Variants in SEMA6D observed in about 807,000 individuals in gnomAD.
SEMA6D encodes the protein semaphorin 6D.
A neutral mutation model predicts 106.6 loss-of-function variants in SEMA6D; 35 were observed. That is an observed-to-expected ratio of 0.33 (90% confidence interval 0.25 to 0.44). The LOEUF is 0.44. Among genes scored for constraint, SEMA6D ranks in the 20% least tolerant of loss-of-function variants. SEMA6D has a pLI of 1.00. For synonymous variants in SEMA6D, 499 were observed against 487.7 expected, an observed-to-expected ratio of 1.02 and a Z score of -0.31; for missense variants, 1,185 against 1,345.9, an observed-to-expected ratio of 0.88 and a Z score of 1.87.
In SEMA6D at chr15:47,652,717, A is replaced by G. The variant is rs148209258; in HGVS notation, c.-55+51821A>G. The stretch of plus-strand genomic sequence containing the variant: ...TTGTGCCCAGCCTGTCTCTAAAGAA[A>G]GCAAGGTCCAAAGGAAGGTTCAAGG... On this transcript the variant is annotated intron_variant, in intron 4 of 19. Coordinates refer to the SEMA6D transcript ENST00000558014. 2.3e-3 allele frequency among the ~76,000 whole-genome samples: 355 copies of G among 152,342 alleles called. 13 individuals carry two copies. The South Asian group carries it at 0.05, about 21-fold the overall frequency.
chr15:47,766,854 T>A (rs1333123601), intron 16 of SEMA6D, among the ~76,000 whole-genome samples, 177 bp downstream of exon 16: 6 of 151,554 alleles, frequency 4.0e-5, no homozygotes, highest in African/African-American at 9.7e-5. Context: ...AGAGGCTTAC[T>A]TTTTTTTTCC....
intron 4 of SEMA6D, among the ~76,000 whole-genome samples, chr15:47,635,547 A>G (rs1352812576): frequency 6.6e-6 from 1 of 152,220 alleles, no homozygotes; most frequent in Non-Finnish European, 1.5e-5. Flanking sequence ...AATATTTACA[A>G]TACATGGTCA....
At chr15:47,693,236 GACC>G (rs913157999) in intron 4 of SEMA6D, among the ~76,000 whole-genome samples, 13 of 152,166 alleles carry the variant, frequency 8.5e-5, no homozygotes, top group African/African-American at 3.1e-4. Context: ...ATAGGGAGGA[GACC>G]ACCATCTACA....
chr15:47,539,961 A>G (rs760835080), intron 3 of SEMA6D, among the ~76,000 whole-genome samples: 24 of 152,124 alleles, frequency 1.6e-4, no homozygotes, highest in Non-Finnish European at 3.1e-4. Context: ...CACAAAATGC[A>G]TTAGAATGCA....
At chr15:47,540,402 GAAAC>G (rs1272837350) in intron 3 of SEMA6D, among the ~76,000 whole-genome samples, 1 of 150,994 alleles carries the variant, frequency 6.6e-6, no homozygotes, top group African/African-American at 2.4e-5. Context: ...TTGCCACTAA[GAAAC>G]AAATAAAGTT....
At chr15:47,688,211 T>C (rs2078511306) in intron 4 of SEMA6D, among the ~76,000 whole-genome samples, 1 of 152,144 alleles carries the variant, frequency 6.6e-6, no homozygotes, top group Non-Finnish European at 1.5e-5. Context: ...ACCCAGAATG[T>C]ATTTGGCTCT....
intron 1 of SEMA6D, among the ~76,000 whole-genome samples, chr15:47,189,206 A>G (rs1437696218): frequency 1.3e-5 from 2 of 151,774 alleles, no homozygotes; most frequent in Non-Finnish European, 2.9e-5. Flanking sequence ...CTGTCTCTCT[A>G]TCATTGGCTT....
At chr15:47,413,656 A>T (rs2040870537) in intron 2 of SEMA6D, among the ~76,000 whole-genome samples, 1 of 152,022 alleles carries the variant, frequency 6.6e-6, no homozygotes, top group African/African-American at 2.4e-5. Flanking sequence ...CCTAATTAAA[A>T]AAAAATTATA....
In SEMA6D at chr15:47,258,668, A is replaced by G. The variant is rs964644920; in HGVS notation, c.-239+74250A>G. On this transcript the variant is annotated intron_variant, in intron 1 of 19. Coordinates refer to the SEMA6D transcript ENST00000558014. ...CCAGTTCTCAGGCCTTTGGACTCAG[A>G]CTGAACTGTGCCACCAAGTTTTCCT... Among the ~76,000 whole-genome samples, 9 of 152,050 alleles carry G rather than the reference A, an allele frequency of 5.9e-5. 1 individual carries two copies. Among genetic ancestry groups the G allele is most frequent in the Admixed American group, 5.2e-4 (8 of 15,252 alleles).
At chr15:47,420,292 A>G (rs1167336340) in intron 2 of SEMA6D, among the ~76,000 whole-genome samples, 1 of 152,094 alleles carries the variant, frequency 6.6e-6, no homozygotes, top group Non-Finnish European at 1.5e-5. Context: ...TATACAGACT[A>G]ACTGTGAAAC....
At chr15:47,322,996 AC>A (rs1170824118) in intron 1 of SEMA6D, among the ~76,000 whole-genome samples, 1 of 152,140 alleles carries the variant, frequency 6.6e-6, no homozygotes, top group African/African-American at 2.4e-5. Context: ...GTATCTACCT[AC>A]CCACCTACCT....
intron 1 of SEMA6D, among the ~76,000 whole-genome samples, chr15:47,312,849 A>G (rs1356865999): frequency 6.6e-6 from 1 of 152,190 alleles, no homozygotes; most frequent in Admixed American, 6.5e-5. Context: ...GTATATTTAT[A>G]TACTTATAGC....
intron 1 of SEMA6D, chr15:47,730,726 T>C (rs747733253): frequency 1.2e-5 from 20 of 1,604,826 alleles, no homozygotes; most frequent in Non-Finnish European, 1.7e-5. Context: ...CAGCCGCTTA[T>C]AGAGTATAGC....
chr15:47,732,981 T>C (rs1659553), intron 1 of SEMA6D, among the ~76,000 whole-genome samples: 152,219 of 152,342 alleles, frequency 1, 76,049 homozygotes, highest in Middle Eastern at 1. Context: ...TATGAAGGCA[T>C]TTTTATCTCT....
At chr15:47,288,486 G>A (rs961963765) in intron 1 of SEMA6D, among the ~76,000 whole-genome samples, 1 of 152,168 alleles carries the variant, frequency 6.6e-6, no homozygotes, top group Non-Finnish European at 1.5e-5. Context: ...GACTTGGAAA[G>A]TTTAAGAAAT....
intron 1 of SEMA6D, among the ~76,000 whole-genome samples, chr15:47,235,456 G>C (rs2032479498): frequency 6.6e-6 from 1 of 151,842 alleles, no homozygotes; most frequent in Non-Finnish European, 1.5e-5. Flanking sequence ...AAATGTTTAT[G>C]CTTTTGGGTC....
At chr15:47,252,060 C>T (rs933021528) in intron 1 of SEMA6D, among the ~76,000 whole-genome samples, 6 of 149,220 alleles carry the variant, frequency 4.0e-5, no homozygotes, top group African/African-American at 9.9e-5. Context: ...GGACTACAGG[C>T]GCCCGCTACC....
Position 47,770,610 on chromosome 15 carries a change from G to A in SEMA6D, c.2047G>A (p.Val683Ile), listed in dbSNP as rs754769921. The A allele has an allele frequency of 6.2e-7, 1 of 1,614,028 alleles. No homozygotes were observed. ...VLGAFIAGVA[V>I]YCYRDMFVRK... ...GGGGGCATTCATTGCAGGTGTGGCAGTATACTGCTATCGAGACATGTTTGT... is the reference window on the plus strand; with the variant it reads ...GGGGGCATTCATTGCAGGTGTGGCAATATACTGCTATCGAGACATGTTTGT... Residue 683 changes from valine (V) to isoleucine (I), a missense_variant, in exon 19 of 19, where the codon GTA (valine) becomes ATA (isoleucine). Physicochemically the swap from Val to Ile is conservative, Grantham distance 29 (BLOSUM62 3). Transcript: ENST00000536845.
Position 47,747,530 on chromosome 15 carries a change from G to A in SEMA6D, c.-54-12215G>A, listed in dbSNP as rs1054665045. ...TTTTAATTTTCAGAAAACTTAAGTC[G>A]ACAGCTTTATCATGTACATAAAATA... On this transcript the variant is annotated intron_variant, in intron 1 of 18. Coordinates refer to ENST00000536845, the MANE Select transcript of SEMA6D (RefSeq NM_001358351.3). Among the ~76,000 whole-genome samples the A allele has an allele frequency of 3.3e-5, 5 of 152,202 alleles. No individual in the cohort carries two copies. In the East Asian group the frequency reaches 5.8e-4, roughly 18 times the overall value.
Sources: gnomAD v4.1 joint callset for allele counts (sites outside exome capture counted in the v4.1 genomes callset) on GRCh38, gnomAD v4.1.1 for gene constraint, MANE v1.5 for transcripts, NCBI Gene and HGNC (gene_info 2026-07-23, HGNC 2026-07-21) for gene names.